Variants in PNPLA7 observed in about 807,000 individuals in gnomAD.
The protein encoded by PNPLA7 is patatin-like phospholipase domain-containing protein 7.
PNPLA7 carries 153 observed loss-of-function variants against 161.7 expected under a neutral mutation model. That is an observed-to-expected ratio of 0.95 (90% CI 0.83 to 1.08). The LOEUF (loss-of-function observed/expected upper bound fraction) is 1.08, where lower values mean the gene tolerates loss of function less well. PNPLA7 is among the 50% of genes least tolerant of loss of function. The pLI, the probability that PNPLA7 is intolerant of heterozygous loss-of-function variation, is 0.00. For missense variants in PNPLA7, 1,739 were observed against 1,856.6 expected, an observed-to-expected ratio of 0.94 and a Z score of 1.16; for synonymous variants, 809 against 782.1, an observed-to-expected ratio of 1.03 and a Z score of -0.57.
chr9:137,522,635 T>C lies in PNPLA7; in HGVS notation c.876+94A>G. 1.4e-5 allele frequency: 19 copies of C among 1,356,682 alleles called. No individual in the cohort carries two copies. In the South Asian group the frequency reaches 2.4e-4, roughly 17 times the overall value. 84.0% of individuals were successfully genotyped at this position (1,356,682 alleles called of 1,614,324 possible). A position where few individuals can be genotyped will look rare whatever the true frequency, so the allele number is the denominator to read the frequency against. On this transcript the variant is annotated intron_variant, in intron 9 of 34. Coordinates refer to ENST00000406427, the MANE Select transcript of PNPLA7 (RefSeq NM_001098537.3). ...TAAAGCTCAGAACTGAGAAAGTAAG[T>C]GGGCAATAAACCCACTCAAATCCCA...
Position 137,462,197 on chromosome 9 carries a change from GCCGAAGT to G in PNPLA7, c.3620_3626del (p.Asp1207AlafsTer139), listed in dbSNP as rs769016888. ...CACTCACGCAGATCTCGTTGAACTT[GCCGAAGT>G]CCAGGGTGCTGTAGCTGTCGATGGG... On this transcript the variant is annotated frameshift_variant, in exon 31 of 35. Transcript: ENST00000406427. LOFTEE classifies it high-confidence loss of function. 6.4e-7 allele frequency: 1 copy of G among 1,569,994 alleles called. No individual in the cohort carries two copies. Among genetic ancestry groups the G allele is most frequent in the South Asian group, 1.2e-5 (1 of 86,358 alleles).
chr9:137,534,983 C>A (rs952070088), intron 8 of PNPLA7, among the ~76,000 whole-genome samples: 1 of 152,144 alleles, frequency 6.6e-6, no homozygotes, highest in Non-Finnish European at 1.5e-5. Context: ...TCCAACCGCA[C>A]GTTTTTTGTA....
At chr9:137,492,581 C>G (rs1321918676) in intron 20 of PNPLA7, among the ~76,000 whole-genome samples, 3 of 105,200 alleles carry the variant, frequency 2.9e-5, no homozygotes, top group African/African-American at 1.2e-4. Context: ...CAGGGCAGGG[C>G]CGTGGGCTGG....
At chr9:137,513,478 A>C (rs367774091) in intron 12 of PNPLA7, among the ~76,000 whole-genome samples, 24 of 149,902 alleles carry the variant, frequency 1.6e-4, no homozygotes, top group Admixed American at 1.1e-3. Flanking sequence ...CTCTGTCACA[A>C]AAAAAAAAAA....
rs761877923 is a variant in PNPLA7, at chr9:137,523,470, G to A, written c.748-613C>T. 4.2e-4 allele frequency among the ~76,000 whole-genome samples: 64 copies of A among 152,234 alleles called. No homozygotes were observed. Among genetic ancestry groups the A allele is most frequent in the Admixed American group, 4.6e-4 (7 of 15,292 alleles). ...CCCAGGAAAAGCCCCAGTGAGTGACGTGGTTTCCATCTTCTAGAAATTGGT... is the reference window on the plus strand; with the variant it reads ...CCCAGGAAAAGCCCCAGTGAGTGACATGGTTTCCATCTTCTAGAAATTGGT... On this transcript the variant is annotated intron_variant, in intron 8 of 34. Coordinates refer to ENST00000406427, the MANE Select transcript of PNPLA7 (RefSeq NM_001098537.3). The surrounding 1 kb of genome is among the most constrained non-coding windows in gnomAD (Gnocchi z 4.4).
At chr9:137,512,148 A>G (rs1417214177) in intron 12 of PNPLA7, among the ~76,000 whole-genome samples, 1 of 152,218 alleles carries the variant, frequency 6.6e-6, no homozygotes, top group African/African-American at 2.4e-5. Flanking sequence ...GAGAAAACTC[A>G]CAAGGCCCTG....
chr9:137,505,667 C>T lies in PNPLA7; in HGVS notation c.1420G>A (p.Asp474Asn). The T allele has an allele frequency of 3.1e-6, 5 of 1,614,136 alleles. No homozygotes were observed. Among genetic ancestry groups the T allele is most frequent in the Non-Finnish European group, 4.2e-6 (5 of 1,180,038 alleles). The change falls in exon 14 of 35, where the codon GAT (aspartate) becomes AAT (asparagine). Residue 474 changes from aspartate (D) to asparagine (N), a missense_variant. This residue lies in a region of PNPLA7 where 481 missense variants were observed against 450.0 expected (regional missense o/e 1.07). Coordinates refer to ENST00000406427, the MANE Select transcript of PNPLA7 (RefSeq NM_001098537.3). ...TTCTTGGCAGCTCTGAAGATGGCAT[C>T]CGACTTCCTGCTGGCCAGGGTCTCA... Reference protein sequence around the residue: ...TDETLASRKSDAIFRAAKKDL... With the variant: ...TDETLASRKSNAIFRAAKKDL...
At chr9:137,474,120 C>T (rs1332455000) in intron 25 of PNPLA7, among the ~76,000 whole-genome samples, 3 of 152,006 alleles carry the variant, frequency 2.0e-5, no homozygotes, top group African/African-American at 7.2e-5. Context: ...GTGCCTGTAA[C>T]CCCAGCTACT....
chr9:137,488,433 G>A (rs1451829701), intron 20 of PNPLA7, among the ~76,000 whole-genome samples: 1 of 152,190 alleles, frequency 6.6e-6, no homozygotes, highest in Non-Finnish European at 1.5e-5. Context: ...TTCTGGCTCT[G>A]GGCCAGAAGG....
intron 25 of PNPLA7, among the ~76,000 whole-genome samples, chr9:137,472,274 A>G (rs1831739083): frequency 6.6e-6 from 1 of 151,880 alleles, no homozygotes; most frequent in African/African-American, 2.4e-5. Flanking sequence ...AATTCCTGAG[A>G]CTGGGTTATT....
Position 137,523,650 on chromosome 9 carries a change from A to G in PNPLA7, c.748-793T>C, listed in dbSNP as rs1359966959. 1.4e-5 allele frequency among the ~76,000 whole-genome samples: 2 copies of G among 146,358 alleles called. No homozygotes were observed. The highest frequency in any genetic ancestry group is 2.0e-4 in the East Asian group (1 of 4,880). ...ACAGATTTTTTTTTTTTTTTGAGACAGAGTCTCGTTCTGTCGTCCAGGCTG... is the reference window on the plus strand; with the variant it reads ...ACAGATTTTTTTTTTTTTTTGAGACGGAGTCTCGTTCTGTCGTCCAGGCTG... On this transcript the variant is annotated intron_variant, in intron 8 of 34. Transcript: ENST00000406427. This position sits in a 1 kb window ranked among gnomAD's most constrained non-coding sequence, Gnocchi z 4.4.
In PNPLA7 at chr9:137,467,216, C is replaced by T. The variant is rs1831518526; in HGVS notation, c.3039+101G>A. The T allele has an allele frequency of 5.5e-6, 8 of 1,441,600 alleles. No homozygotes were observed. In the South Asian group the frequency reaches 8.4e-5, roughly 15 times the overall value. 89.3% of individuals were successfully genotyped at this position (1,441,600 alleles called of 1,614,324 possible). ...GGGGGTAGCCTCCTCGAGGGCAGGG[C>T]CCTGCAGAGCCACATGCAGAGGCCA... On this transcript the variant is annotated intron_variant, in intron 26 of 34. Coordinates refer to ENST00000406427, the MANE Select transcript of PNPLA7 (RefSeq NM_001098537.3). The surrounding 1 kb of genome is among the most constrained non-coding windows in gnomAD (Gnocchi z 5.1).
At chr9:137,509,661 G>A (rs1451874772) in intron 12 of PNPLA7, 1 of 436,276 alleles carries the variant, frequency 2.3e-6, no homozygotes, top group Non-Finnish European at 4.7e-6. Context: ...GCATGAGTGA[G>A]TTTAGGTGTC....
intron 4 of PNPLA7, among the ~76,000 whole-genome samples, chr9:137,544,925 G>T (rs1019919335): frequency 6.6e-6 from 1 of 152,154 alleles, no homozygotes; most frequent in Admixed American, 6.6e-5. Flanking sequence ...TGAGAGTACA[G>T]GCGTGAGCCA....
chr9:137,468,143 G>A lies in PNPLA7; in HGVS notation c.2883-670C>T, dbSNP rs1244111874. Among the ~76,000 whole-genome samples, 1 of 151,926 alleles carries A rather than the reference G, an allele frequency of 6.6e-6. No homozygotes were observed. The highest frequency in any genetic ancestry group is 1.5e-5 in the Non-Finnish European group (1 of 67,986). ...AGGGGCAGCACCCCAGGAGTCAGAT[G>A]AGCTGGATGTAGACCAGCACCCATG... is the stretch of plus-strand genomic sequence containing the variant. On this transcript the variant is annotated intron_variant, in intron 25 of 34. Coordinates refer to ENST00000406427, the MANE Select transcript of PNPLA7 (RefSeq NM_001098537.3). This position sits in a 1 kb window ranked among gnomAD's most constrained non-coding sequence, Gnocchi z 4.0.
chr9:137,531,929 T>C (rs1418671845), intron 8 of PNPLA7, among the ~76,000 whole-genome samples: 1 of 152,172 alleles, frequency 6.6e-6, no homozygotes, highest in African/African-American at 2.4e-5. Context: ...GCCTGTTTGC[T>C]GTGTCATGCC....
intron 24 of PNPLA7, 137 bp downstream of exon 24, chr9:137,478,919 G>A (rs1832069306): frequency 1.7e-6 from 2 of 1,187,646 alleles, no homozygotes; most frequent in Admixed American, 3.1e-5. Flanking sequence ...CGTGAGGCAG[G>A]GTCACGTTCA....
At chr9:137,502,452 A>G (rs1485667299) in intron 14 of PNPLA7, among the ~76,000 whole-genome samples, 1 of 150,732 alleles carries the variant, frequency 6.6e-6, no homozygotes, top group Non-Finnish European at 1.5e-5. Flanking sequence ...ATGACATCAC[A>G]TGTCGCCAAA....
At chr9:137,549,318 T>A (rs369857787) in intron 1 of PNPLA7, among the ~76,000 whole-genome samples, 12 of 151,600 alleles carry the variant, frequency 7.9e-5, no homozygotes, top group East Asian at 1.9e-4. Context: ...CTGTAATCCC[T>A]GCACTTTGGG....
Sources: allele counts gnomAD v4.1 joint callset (sites outside exome capture counted in the v4.1 genomes callset), GRCh38; gene constraint gnomAD v4.1.1; regional missense constraint gnomAD v4.1.1; non-coding constraint Gnocchi (gnomAD v3.1); transcripts MANE v1.5; gene names NCBI Gene and HGNC (gene_info 2026-07-23, HGNC 2026-07-21).